Variants in AMMECR1 observed in about 807,000 individuals in gnomAD.
AMMECR1 encodes AMMECR nuclear protein 1.
Under a neutral mutation model 22.5 loss-of-function variants are expected in AMMECR1, and 3 were observed. That is an observed-to-expected ratio of 0.13 (90% CI 0.06 to 0.35). AMMECR1 has a LOEUF of 0.35. Among genes scored for constraint, AMMECR1 ranks in the 10% least tolerant of loss-of-function variants. The pLI, the probability that AMMECR1 is intolerant of heterozygous loss-of-function variation, is 1.00. For synonymous variants in AMMECR1, 130 were observed against 116.7 expected (o/e 1.11, Z -0.74); for missense variants, 235 against 278.7 (o/e 0.84, Z 1.12).
At chrX:110,313,571 C>G (rs906508455) in intron 1 of AMMECR1, among the ~76,000 whole-genome samples, 40 of 112,025 alleles carry the variant, frequency 3.6e-4, no homozygotes, top group African/African-American at 1.2e-3. Context: ...GTGAAAGAAT[C>G]ATAAGAGCAT....
At chrX:110,426,328 G>C (rs764752663) in intron 2 of AMMECR1, among the ~76,000 whole-genome samples, 13 of 111,634 alleles carry the variant, frequency 1.2e-4, no homozygotes, top group African/African-American at 4.2e-4. Context: ...CGATACAAAA[G>C]TTATCTGTAC....
rs747099110 is a variant in AMMECR1, at chrX:110,255,095, T to C, written c.584+9394A>G. On this transcript the variant is annotated intron_variant, in intron 2 of 5. Transcript: ENST00000262844. ...CTCTTTTCTTCCTCTTCGGGATTTG[T>C]CAATTTTAGAAAAAGGGCATGTCTG... Among the ~76,000 whole-genome samples the C allele has an allele frequency of 4.4e-5, 5 of 112,648 alleles. No homozygotes were observed. In the East Asian group the frequency reaches 1.4e-3, roughly 31 times the overall value.
chrX:110,203,487 A>C (rs1309008607), intron 3 of AMMECR1, among the ~76,000 whole-genome samples: 1 of 111,903 alleles, frequency 8.9e-6, no homozygotes, highest in Non-Finnish European at 1.9e-5. Flanking sequence ...TTCTTTGTGA[A>C]CATTGATAAT....
intron 2 of AMMECR1, among the ~76,000 whole-genome samples, chrX:110,416,378 G>A (rs1313519349): frequency 1.8e-5 from 2 of 112,212 alleles, no homozygotes; most frequent in Non-Finnish European, 3.8e-5. Flanking sequence ...CGGGCACATG[G>A]TAACTGCTTT....
intron 2 of AMMECR1, among the ~76,000 whole-genome samples, chrX:110,369,884 G>T (rs190035719): frequency 7.7e-4 from 85 of 110,962 alleles, no homozygotes; most frequent in African/African-American, 2.7e-3. Flanking sequence ...TCCATATATG[G>T]GTTTCAATGG....
chrX:110,282,584 C>A (rs775177822), intron 1 of AMMECR1, among the ~76,000 whole-genome samples: 3 of 111,761 alleles, frequency 2.7e-5, no homozygotes, highest in African/African-American at 9.8e-5. Context: ...ACTAGGTAGA[C>A]GCCCAAAATT....
intron 2 of AMMECR1, among the ~76,000 whole-genome samples, chrX:110,392,416 A>C (rs1180791638): frequency 1.9e-5 from 2 of 107,020 alleles, no homozygotes; most frequent in Non-Finnish European, 3.8e-5. Flanking sequence ...GTTAGGACTT[A>C]CAGTCATGTG....
chrX:110,253,198 T>A (rs1429528223), intron 2 of AMMECR1, among the ~76,000 whole-genome samples: 1 of 112,440 alleles, frequency 8.9e-6, no homozygotes, highest in African/African-American at 3.2e-5. Context: ...TGGCATTCAT[T>A]GCAGAACATT....
At chrX:110,322,256 T>C (rs754431213), upstream of AMMECR1, among the ~76,000 whole-genome samples, 2 of 112,155 alleles carry the variant, frequency 1.8e-5, no homozygotes, top group Non-Finnish European at 3.8e-5. Flanking sequence ...TTAATAAAGC[T>C]AGCTAGTTGT....
chrX:110,428,534 G>A (rs1603001019), intron 1 of AMMECR1, among the ~76,000 whole-genome samples: 1 of 111,178 alleles, frequency 9.0e-6, no homozygotes, highest in Admixed American at 9.5e-5. Flanking sequence ...CCAGGCCCCC[G>A]TTGCTTTATT....
At chrX:110,241,898 A>G (rs146145157) in intron 2 of AMMECR1, among the ~76,000 whole-genome samples, 1,609 of 111,877 alleles carry the variant, frequency 0.014, 16 homozygotes, top group South Asian at 0.028. Context: ...TCTAATGCAA[A>G]CCCAACAAAG....
In AMMECR1 at chrX:110,388,103, A is replaced by C. The variant is rs367823725; in HGVS notation, c.-148+38555T>G. Reference sequence around the variant, plus strand: ...AGGATGGTCTCGATCTCCTGACCTCATGATCTGCCCGCCTCAGCCTCCCAA... The same window carrying C: ...AGGATGGTCTCGATCTCCTGACCTCCTGATCTGCCCGCCTCAGCCTCCCAA... On this transcript the variant is annotated intron_variant, in intron 2 of 7. Transcript: ENST00000372057. Among the ~76,000 whole-genome samples, 8 of 110,592 alleles carry C rather than the reference A, an allele frequency of 7.2e-5. No individual in the cohort carries two copies. The East Asian group carries it at 2.3e-3, about 32-fold the overall frequency.
At chrX:110,234,092 C>A (rs1468444435) in intron 2 of AMMECR1, among the ~76,000 whole-genome samples, 3 of 111,892 alleles carry the variant, frequency 2.7e-5, no homozygotes, top group Non-Finnish European at 5.6e-5. Flanking sequence ...CTGTCTCAGC[C>A]CAAAATCTCC....
At chrX:110,375,114 G>A (rs1569417366) in intron 2 of AMMECR1, among the ~76,000 whole-genome samples, 1 of 111,440 alleles carries the variant, frequency 9.0e-6, no homozygotes, top group Non-Finnish European at 1.9e-5. Context: ...ACACTAGGGT[G>A]ACTTGATGTT....
intron 2 of AMMECR1, among the ~76,000 whole-genome samples, chrX:110,407,011 T>C (rs964118122): frequency 3.6e-5 from 4 of 111,771 alleles, no homozygotes; most frequent in Non-Finnish European, 7.5e-5. Flanking sequence ...GGCACCTGGA[T>C]GATTGATTGT....
rs1340091719 is a variant in AMMECR1 at position 110,196,108 on chromosome X, TTA to T, written c.*2410_*2411del. ...GGATTTTAAAAAATCTGATATGATT[TTA>T]GAGTCCGCATGACCAGTCACGTGAC... On this transcript the variant is annotated 3_prime_UTR_variant, in exon 6 of 6. Transcript: ENST00000262844. The T allele has an allele frequency of 8.9e-6, 1 of 111,979 alleles. No individual in the cohort carries two copies. The highest frequency in any genetic ancestry group is 9.4e-5 in the Admixed American group (1 of 10,588). 9.2% of individuals were successfully genotyped at this position (111,979 alleles called of 1,213,427 possible). A position where few individuals can be genotyped will look rare whatever the true frequency, so the allele number is the denominator to read the frequency against.
intron 2 of AMMECR1, among the ~76,000 whole-genome samples, chrX:110,379,111 T>A: frequency 8.9e-6 from 1 of 112,135 alleles, no homozygotes; most frequent in East Asian, 2.8e-4. Flanking sequence ...AGCTCTTTCA[T>A]GATACTCGTT....
At chrX:110,216,481 C>G (rs2067473977) in intron 3 of AMMECR1, 37 bp downstream of exon 3, 1 of 1,026,604 alleles carries the variant, frequency 9.7e-7, no homozygotes, top group African/African-American at 1.9e-5. Flanking sequence ...TCAAGAGTTA[C>G]CTTCATTTTT....
intron 5 of AMMECR1, among the ~76,000 whole-genome samples, chrX:110,200,117 C>T (rs1480474675): frequency 1.8e-5 from 2 of 111,801 alleles, no homozygotes; most frequent in Non-Finnish European, 3.8e-5. Flanking sequence ...CCCTTTTTAC[C>T]TGTCAAATAT....
Sources: allele counts gnomAD v4.1 joint callset (sites outside exome capture counted in the v4.1 genomes callset), GRCh38; gene constraint gnomAD v4.1.1; transcripts MANE v1.5; gene names NCBI Gene and HGNC (gene_info 2026-07-23, HGNC 2026-07-21).